The following SLC35D1 variants were observed in gnomAD, a reference collection of about 807,000 sequenced individuals.
SLC35D1 encodes the protein solute carrier family 35 member D1.
Under a neutral mutation model 46.7 loss-of-function variants are expected in SLC35D1, and 31 were observed. The observed-to-expected ratio is 0.66, with a 90% CI of 0.50 to 0.90. The LOEUF (loss-of-function observed/expected upper bound fraction) is 0.90. Among genes scored for constraint, SLC35D1 ranks in the 40% least tolerant of loss-of-function variants. The pLI, the probability that SLC35D1 is intolerant of heterozygous loss-of-function variation, is 0.00. For missense variants in SLC35D1, 397 were observed against 426.2 expected, an observed-to-expected ratio of 0.93 and a Z score of 0.60; for synonymous variants, 195 against 164.6, an observed-to-expected ratio of 1.18 and a Z score of -1.41.
At chr1:66,994,050 C>A in the SLC35D1 span, among the ~76,000 whole-genome samples, 2 of 131,176 alleles carry the variant, frequency 1.5e-5, no homozygotes, top group African/African-American at 6.4e-5. Context: ...TCTTGTAGAT[C>A]AAAATCAGCT....
At position 67,027,327 on chromosome 1, in the gene SLC35D1, A is replaced by T. The variant is rs183601311; in HGVS notation, c.730-5725T>A. Among the ~76,000 whole-genome samples, 482 of 152,080 alleles carry T rather than the reference A, an allele frequency of 3.2e-3. 2 individuals carry two copies. Among genetic ancestry groups the T allele is most frequent in the East Asian group, 0.012 (60 of 5,172 alleles). The stretch of plus-strand genomic sequence containing the variant: ...ATTAGCAATTTTATTAATCTTTTTT[A>T]AAAAAAATCTTAGCTTTTAGTTTCA... On this transcript the variant is annotated intron_variant, in intron 8 of 11. Coordinates refer to ENST00000235345, the MANE Select transcript of SLC35D1 (RefSeq NM_015139.3).
chr1:67,046,610 A>C (rs1165928660), intron 7 of SLC35D1, among the ~76,000 whole-genome samples: 1 of 152,242 alleles, frequency 6.6e-6, no homozygotes, highest in Admixed American at 6.5e-5. Flanking sequence ...AGGATATATA[A>C]AGTTGAGATC....
At chr1:67,039,970 TCCCCACTGTA>T (rs1668206956) in intron 8 of SLC35D1, among the ~76,000 whole-genome samples, 2 of 151,248 alleles carry the variant, frequency 1.3e-5, no homozygotes, top group Admixed American at 1.3e-4. Flanking sequence ...CCCTAAATTC[TCCCCACTGTA>T]CCACTTACAT....
chr1:67,004,436 G>A lies in SLC35D1; in HGVS notation c.972C>T (p.Ser324=), dbSNP rs1667404692. The change falls in exon 12 of 12, where the codon AGC becomes AGT. Residue 324 remains serine, a synonymous_variant. Coordinates refer to ENST00000235345, the MANE Select transcript of SLC35D1 (RefSeq NM_015139.3). ...FIGLNISIAG[S]LVYSYITFTE... ...TGAAAGTGATATAGGAATATACCAG[G>A]CTCCCAGCAATGCTGCAAAACAGAA... is the stretch of plus-strand genomic sequence containing the variant. 5 of 1,613,798 alleles carry A rather than the reference G, an allele frequency of 3.1e-6. No individual in the cohort carries two copies. The highest frequency in any genetic ancestry group is 4.2e-6 in the Non-Finnish European group (5 of 1,179,880).
chr1:67,022,844 T>A (rs1396735973), intron 8 of SLC35D1, among the ~76,000 whole-genome samples: 1 of 152,156 alleles, frequency 6.6e-6, no homozygotes, highest in Non-Finnish European at 1.5e-5. Context: ...CAATCTCCCC[T>A]CCATTTCTAG....
chr1:67,013,158 A>ATAGATATATATATATATATATATATG (rs1553264893), intron 10 of SLC35D1, among the ~76,000 whole-genome samples: 1 of 103,642 alleles, frequency 9.6e-6, no homozygotes, highest in Non-Finnish European at 1.8e-5. Context: ...TATCCTGGAG[A>ATAGATATATATATATATATATATATG]TATATATATA....
Position 67,049,847 on chromosome 1 carries a change from C to G in SLC35D1, c.468G>C (p.Lys156Asn), listed in dbSNP as rs773985722. 6.2e-7 allele frequency: 1 copy of G among 1,612,770 alleles called. No homozygotes were observed. Among genetic ancestry groups the G allele is most frequent in the Non-Finnish European group, 8.5e-7 (1 of 1,179,262 alleles). ...TCATTTTAATACCCCAAGAAAAAGT[C>G]TTCCTACAAAACAAAAAATTTTAAA... ...TMFAEGVLLK[K>N]TFSWGIKMTV... The change falls in exon 6 of 12, where the codon AAG (lysine) becomes AAC (asparagine). Residue 156 changes from lysine to asparagine, a missense_variant. Lys to Asn is a moderately conservative substitution (Grantham distance 94). Transcript: ENST00000235345.
At chr1:67,031,943 A>T in intron 8 of SLC35D1, 2 of 585,424 alleles carry the variant, frequency 3.4e-6, no homozygotes, top group Non-Finnish European at 4.3e-6. Flanking sequence ...TCAGGAAAAA[A>T]ACAAAACATT....
the SLC35D1 span, among the ~76,000 whole-genome samples, chr1:66,979,100 T>C: frequency 0.074 from 11,308 of 152,212 alleles, 522 homozygotes; most frequent in African/African-American, 0.13. Flanking sequence ...CTGGGTTGTT[T>C]TTTTTTTATA....
intron 8 of SLC35D1, among the ~76,000 whole-genome samples, chr1:67,034,022 T>C (rs1428037467): frequency 1.3e-5 from 2 of 152,184 alleles, no homozygotes; most frequent in Non-Finnish European, 2.9e-5. Context: ...CTGTGTTCTA[T>C]TCAGACACAT....
the SLC35D1 span, among the ~76,000 whole-genome samples, chr1:66,990,735 G>A: frequency 6.6e-6 from 1 of 152,202 alleles, no homozygotes; most frequent in African/African-American, 2.4e-5. Flanking sequence ...AAGGTCATAT[G>A]CCAAAAGTAA....
At chr1:67,034,200 T>C (rs1323919750) in intron 8 of SLC35D1, among the ~76,000 whole-genome samples, 1 of 152,212 alleles carries the variant, frequency 6.6e-6, no homozygotes, top group African/African-American at 2.4e-5. Context: ...ACATAAATTT[T>C]AGGATATTTT....
At chr1:67,007,494 T>C (rs1667475819) in intron 11 of SLC35D1, among the ~76,000 whole-genome samples, 1 of 152,054 alleles carries the variant, frequency 6.6e-6, no homozygotes, top group African/African-American at 2.4e-5. Flanking sequence ...TGTAACATTA[T>C]GAAAGAGGGG....
At chr1:67,017,707 TTC>T (rs1363918295) in intron 10 of SLC35D1, among the ~76,000 whole-genome samples, 1 of 152,200 alleles carries the variant, frequency 6.6e-6, no homozygotes, top group African/African-American at 2.4e-5. Context: ...TGGTTTTTTC[TTC>T]TGTTTCCACA....
Position 67,004,221 on chromosome 1 carries a change from G to A in SLC35D1, c.*119C>T. The A allele has an allele frequency of 1.2e-6, 1 of 842,812 alleles. No individual in the cohort carries two copies. The highest frequency in any genetic ancestry group is 1.9e-5 in the Admixed American group (1 of 51,742). 52.2% of individuals were successfully genotyped at this position (842,812 alleles called of 1,614,324 possible). ...AGCAATCAATCCTCAGATTGTACAA[G>A]TGCAAAGGAATGGTTATTTCCTCCA... On this transcript the variant is annotated 3_prime_UTR_variant, in exon 12 of 12. Coordinates refer to ENST00000235345, the MANE Select transcript of SLC35D1 (RefSeq NM_015139.3).
the SLC35D1 span, chr1:66,985,495 G>A: frequency 1.0e-6 from 1 of 982,740 alleles, no homozygotes; most frequent in Non-Finnish European, 1.2e-6. Flanking sequence ...ATGTAAAATT[G>A]TTGACATCAA....
At chr1:67,023,137 C>T (rs1667845868) in intron 8 of SLC35D1, among the ~76,000 whole-genome samples, 1 of 152,164 alleles carries the variant, frequency 6.6e-6, no homozygotes. Context: ...TTTGAACCTT[C>T]CGTTACAAGT....
Position 67,052,787 on chromosome 1 carries a change from C to T in SLC35D1, c.308G>A (p.Arg103Lys). The change falls in exon 3 of 12, where the codon AGA becomes AAA. Residue 103 changes from arginine to lysine, a missense_variant. By Grantham distance (26) the Arg-to-Lys change is conservative. Transcript: ENST00000235345. ...LRVVKFPDLD[R>K]NVPRKTFPLP... is the part of the protein sequence containing the mutation. ...TTCTTTTACCTTTCGAGGTACATTT[C>T]TGTCAAGGTCAGGAAACTTGACTAC... 6.2e-7 allele frequency: 1 copy of T among 1,614,180 alleles called. No individual in the cohort carries two copies. The highest frequency in any genetic ancestry group is 8.5e-7 in the Non-Finnish European group (1 of 1,180,004).
At chr1:67,016,281 T>C (rs1158584373) in intron 10 of SLC35D1, among the ~76,000 whole-genome samples, 1 of 152,178 alleles carries the variant, frequency 6.6e-6, no homozygotes, top group Non-Finnish European at 1.5e-5. Flanking sequence ...CTAAGACTTT[T>C]GTTTTCCATT....
Sources: gnomAD v4.1 joint callset for allele counts (sites outside exome capture counted in the v4.1 genomes callset) on GRCh38, gnomAD v4.1.1 for gene constraint, MANE v1.5 for transcripts, NCBI Gene and HGNC (gene_info 2026-07-23, HGNC 2026-07-21) for gene names.